Variants in BLTP1 observed in about 807,000 individuals in gnomAD.
BLTP1 encodes the protein fragile site-associated protein.
chr4:122,258,823 G>T, the BLTP1 span: 1 of 1,610,890 alleles, frequency 6.2e-7, no homozygotes, highest in Admixed American at 1.7e-5. Context: ...TACCCATAGT[G>T]ACTCTGCATT....
At chr4:122,304,769 T>G in the BLTP1 span, 4 of 1,605,886 alleles carry the variant, frequency 2.5e-6, no homozygotes, top group Non-Finnish European at 3.4e-6. Context: ...TAAGATTCAT[T>G]TTTTTCCTCC....
the BLTP1 span, chr4:122,258,855 C>G: frequency 1.9e-6 from 3 of 1,562,532 alleles, no homozygotes; most frequent in Non-Finnish European, 2.6e-6. Context: ...TATATTATTG[C>G]TCTTTTTGGT....
chr4:122,321,971 T>C, the BLTP1 span, among the ~76,000 whole-genome samples: 2 of 133,014 alleles, frequency 1.5e-5, no homozygotes, highest in Non-Finnish European at 3.2e-5. Flanking sequence ...ATGATATAAC[T>C]ACATGTAATT....
At chr4:122,248,154 G>A in the BLTP1 span, 3 of 980,086 alleles carry the variant, frequency 3.1e-6, no homozygotes, top group Non-Finnish European at 3.6e-6. Context: ...GAGGCTGAAA[G>A]CATTTGACCT....
At chr4:122,343,419 G>C in the BLTP1 span, 1 of 1,613,808 alleles carries the variant, frequency 6.2e-7, no homozygotes, top group East Asian at 2.2e-5. Flanking sequence ...GGTTCATCGG[G>C]ATTAGGCAGC....
the BLTP1 span, among the ~76,000 whole-genome samples, chr4:122,214,889 GGCA>G: frequency 6.6e-6 from 1 of 152,086 alleles, no homozygotes; most frequent in African/African-American, 2.4e-5. Context: ...TGGGATTACA[GGCA>G]TGAGCCACTG....
At chr4:122,272,002 GA>G in the BLTP1 span, 3 of 530,416 alleles carry the variant, frequency 5.7e-6, no homozygotes, top group African/African-American at 2.1e-5. Context: ...TAGGAACTTG[GA>G]AAAATGTTGA....
chr4:122,325,832 CT>C, the BLTP1 span: 4 of 831,464 alleles, frequency 4.8e-6, no homozygotes, highest in Non-Finnish European at 1.6e-6. Flanking sequence ...TTTTTTTTTA[CT>C]TTTCTCATTA....
At chr4:122,258,006 T>C in the BLTP1 span, among the ~76,000 whole-genome samples, 3 of 152,218 alleles carry the variant, frequency 2.0e-5, no homozygotes, top group Admixed American at 2.0e-4. Context: ...GCCTTTGTCT[T>C]TTTACCTGAT....
the BLTP1 span, among the ~76,000 whole-genome samples, chr4:122,184,003 G>A: frequency 6.6e-6 from 1 of 151,394 alleles, no homozygotes; most frequent in South Asian, 2.1e-4. Flanking sequence ...TTAACAATAT[G>A]GCTTATGTTA....
the BLTP1 span, chr4:122,313,933 GAT>G: frequency 1.4e-5 from 6 of 426,846 alleles, no homozygotes; most frequent in African/African-American, 1.3e-4. Flanking sequence ...AAATGAATAA[GAT>G]ATACTTTCTA....
At chr4:122,318,174 A>T in the BLTP1 span, 1 of 1,608,160 alleles carries the variant, frequency 6.2e-7, no homozygotes, top group Non-Finnish European at 8.5e-7. Context: ...AAGGAACCAT[A>T]AACCAGGAAA....
the BLTP1 span, chr4:122,247,258 T>G: frequency 6.2e-7 from 1 of 1,613,526 alleles, no homozygotes. Flanking sequence ...GTCATCTGGA[T>G]CTCTCAGATC....
the BLTP1 span, among the ~76,000 whole-genome samples, chr4:122,283,758 C>T: frequency 6.6e-6 from 1 of 152,150 alleles, no homozygotes; most frequent in Admixed American, 6.5e-5. Context: ...GATCCGCCTG[C>T]CTTGGTCTCC....
the BLTP1 span, chr4:122,360,013 C>G: frequency 1.0e-6 from 1 of 985,290 alleles, no homozygotes; most frequent in Non-Finnish European, 1.2e-6. Context: ...TAGTTTTTCA[C>G]CTTCTCACCA....
the BLTP1 span, chr4:122,222,902 T>A: frequency 1.4e-6 from 1 of 712,968 alleles, no homozygotes; most frequent in South Asian, 6.5e-5. Context: ...TAATAACATT[T>A]AGAATATAAT....
the BLTP1 span, chr4:122,276,398 T>C: frequency 1.1e-6 from 1 of 940,392 alleles, no homozygotes; most frequent in Non-Finnish European, 1.3e-6. Context: ...GAAATAATTA[T>C]TAAAACACTA....
chr4:122,167,566 C>T, the BLTP1 span: 1 of 628,268 alleles, frequency 1.6e-6, no homozygotes, highest in Non-Finnish European at 2.0e-6. Context: ...CCGCCTCCTG[C>T]CCCTACTGGC....
the BLTP1 span, among the ~76,000 whole-genome samples, chr4:122,352,117 T>A: frequency 6.6e-6 from 1 of 152,108 alleles, no homozygotes; most frequent in Admixed American, 6.6e-5. Flanking sequence ...GACCTTTGAG[T>A]AGCAAAGGAA....
Sources: allele counts gnomAD v4.1 joint callset (sites outside exome capture counted in the v4.1 genomes callset), GRCh38; gene constraint gnomAD v4.1.1; transcripts MANE v1.5; gene names NCBI Gene and HGNC (gene_info 2026-07-23, HGNC 2026-07-21).